STAC: variants seen among roughly 807,000 people sequenced by gnomAD.
STAC encodes SH3 and cysteine rich domain.
A neutral mutation model predicts 48.8 loss-of-function variants in STAC; 43 were observed. The observed-to-expected ratio is 0.88, with a 90% CI of 0.69 to 1.14. STAC has a LOEUF of 1.14. Among genes scored for constraint, STAC ranks in the 50% most tolerant of loss-of-function variants. The probability of loss-of-function intolerance (pLI) is 0.00; values close to 1 mark genes in which losing one functional copy is unlikely to be tolerated. For synonymous variants in STAC, 193 were observed against 179.5 expected (o/e 1.07, Z -0.60); for missense variants, 497 against 504.0 (o/e 0.99, Z 0.13).
chr3:36,382,527 T>C (rs965197570), intron 1 of STAC, among the ~76,000 whole-genome samples: 1 of 152,250 alleles, frequency 6.6e-6, no homozygotes, highest in African/African-American at 2.4e-5. Context: ...TGTGTGTTTC[T>C]ACATTCCTAA....
At chr3:36,488,259 T>C (rs1697868798) in intron 5 of STAC, among the ~76,000 whole-genome samples, 1 of 152,166 alleles carries the variant, frequency 6.6e-6, no homozygotes, top group Non-Finnish European at 1.5e-5. Flanking sequence ...GCATCTAGCC[T>C]TAACAGTGTT....
At chr3:36,488,249 G>A (rs539472397) in intron 5 of STAC, among the ~76,000 whole-genome samples, 7 of 152,166 alleles carry the variant, frequency 4.6e-5, no homozygotes, top group Non-Finnish European at 7.4e-5. Context: ...TTTTCATTAC[G>A]CATCTAGCCT....
intron 2 of STAC, among the ~76,000 whole-genome samples, chr3:36,482,594 C>T (rs74775818): frequency 0.016 from 2,462 of 152,280 alleles, 22 homozygotes; most frequent in Non-Finnish European, 0.021. Context: ...TATCCAACGG[C>T]TCAGTTCCTG....
At chr3:36,461,464 A>G (rs2125683924) in intron 2 of STAC, among the ~76,000 whole-genome samples, 1 of 152,270 alleles carries the variant, frequency 6.6e-6, no homozygotes, top group South Asian at 2.1e-4. Flanking sequence ...TTGACATTTT[A>G]ACTGGGGAGA....
At chr3:36,444,991 G>C (rs1696468779) in intron 2 of STAC, among the ~76,000 whole-genome samples, 1 of 152,150 alleles carries the variant, frequency 6.6e-6, no homozygotes, top group Non-Finnish European at 1.5e-5. Context: ...TTCTGAATCT[G>C]TGTCACTTTC....
At chr3:36,463,015 C>A (rs897969452) in intron 2 of STAC, among the ~76,000 whole-genome samples, 3 of 151,998 alleles carry the variant, frequency 2.0e-5, no homozygotes, top group Non-Finnish European at 2.9e-5. Context: ...GGAAAAAAAA[C>A]CTGACAAGAT....
chr3:36,505,774 T>C lies in STAC; in HGVS notation c.860T>C (p.Met287Thr), dbSNP rs547750364. Reference protein sequence around the residue: ...QGSLSKDPLQMNTYVALYKFV... With the variant: ...QGSLSKDPLQTNTYVALYKFV... ...TCTCTTTCCAAAGACCCATTACAGATGAACACCTATGTTGCCTTGTACAAA... is the reference window on the plus strand; with the variant it reads ...TCTCTTTCCAAAGACCCATTACAGACGAACACCTATGTTGCCTTGTACAAA... Residue 287 changes from methionine to threonine, a missense_variant, in exon 8 of 11, where the codon ATG becomes ACG. Met to Thr is a moderately conservative substitution (Grantham distance 81). Transcript: ENST00000273183. The C allele has an allele frequency of 4.9e-5, 78 of 1,607,518 alleles. No homozygotes were observed. The highest frequency in any genetic ancestry group is 6.4e-5 in the Non-Finnish European group (75 of 1,177,964).
chr3:36,468,361 T>G (rs1419359975), intron 2 of STAC, among the ~76,000 whole-genome samples: 1 of 152,106 alleles, frequency 6.6e-6, no homozygotes, highest in Non-Finnish European at 1.5e-5. Flanking sequence ...ATGAACAGAA[T>G]GTATATTCTG....
intron 1 of STAC, among the ~76,000 whole-genome samples, chr3:36,391,481 G>C (rs1342706451): frequency 6.6e-6 from 1 of 152,206 alleles, no homozygotes; most frequent in Non-Finnish European, 1.5e-5. Flanking sequence ...CCTTTGGACA[G>C]TCTCTGTTGA....
rs1397760338 is a variant in STAC at position 36,493,595 on chromosome 3, CG to C, written c.766+367del. Among the ~76,000 whole-genome samples the C allele has an allele frequency of 2.6e-5, 4 of 151,860 alleles. No individual in the cohort carries two copies. The East Asian group carries it at 7.8e-4, about 29-fold the overall frequency. On this transcript the variant is annotated intron_variant, in intron 6 of 10. Transcript: ENST00000273183. ...GCTAGATTAGATTACATTAGCAAAC[CG>C]TACCACAGAGAAGCTAATTTGTGCT...
Position 36,505,757 on chromosome 3 carries a change from C to CAA in STAC, c.845_846dup (p.Asp283LysfsTer6). 6.3e-7 allele frequency: 1 copy of CAA among 1,592,884 alleles called. No homozygotes were observed. Among genetic ancestry groups the CAA allele is most frequent in the Non-Finnish European group, 8.5e-7 (1 of 1,171,382 alleles). On this transcript the variant is annotated frameshift_variant, in exon 8 of 11. Transcript: ENST00000273183. LOFTEE classifies it high-confidence loss of function. ...ATTTTCTCTTTCAGGGATCTCTTTC[C>CAA]AAAGACCCATTACAGATGAACACCT...
At chr3:36,405,064 G>A (rs1277189639) in intron 1 of STAC, among the ~76,000 whole-genome samples, 1 of 152,076 alleles carries the variant, frequency 6.6e-6, no homozygotes, top group Non-Finnish European at 1.5e-5. Flanking sequence ...TTAAAACTAT[G>A]AAATAGGAAA....
At chr3:36,454,391 G>C (rs1696790446) in intron 2 of STAC, among the ~76,000 whole-genome samples, 1 of 151,948 alleles carries the variant, frequency 6.6e-6, no homozygotes, top group African/African-American at 2.4e-5. Flanking sequence ...GAGCCAGCGA[G>C]ACCACGAACC....
intron 1 of STAC, among the ~76,000 whole-genome samples, chr3:36,436,920 A>C (rs958860274): frequency 2.0e-5 from 3 of 151,964 alleles, no homozygotes; most frequent in Non-Finnish European, 2.9e-5. Flanking sequence ...AACTCAAACA[A>C]ATTTACAAGA....
In STAC at chr3:36,504,593, A is replaced by G. The variant is rs527606173; in HGVS notation, c.831+136A>G. On this transcript the variant is annotated intron_variant, in intron 7 of 10. Transcript: ENST00000273183. Reference sequence around the variant, plus strand: ...TTAGAGAATAGAATAATATAGCACAACGTACCATAGCATGGAATAAACAGA... The same window carrying G: ...TTAGAGAATAGAATAATATAGCACAGCGTACCATAGCATGGAATAAACAGA... The G allele has an allele frequency of 3.0e-4, 207 of 686,386 alleles. 2 individuals are homozygous for G. The South Asian group carries it at 3.8e-3, about 12-fold the overall frequency. The allele number at this position is 686,386 out of a possible 1,614,324, so 42.5% of individuals were successfully genotyped here.
chr3:36,453,430 G>A (rs1696748773), intron 2 of STAC, among the ~76,000 whole-genome samples: 1 of 152,186 alleles, frequency 6.6e-6, no homozygotes. Context: ...GGCAGACCCC[G>A]CCCTCGGAGA....
chr3:36,509,352 A>T (rs1698480307), intron 8 of STAC, among the ~76,000 whole-genome samples: 1 of 151,582 alleles, frequency 6.6e-6, no homozygotes, highest in Non-Finnish European at 1.5e-5. Flanking sequence ...CTTCATTTCA[A>T]CCTTGGTGAA....
chr3:36,497,605 C>T (rs1279606975), intron 6 of STAC, among the ~76,000 whole-genome samples: 1 of 151,914 alleles, frequency 6.6e-6, no homozygotes, highest in East Asian at 1.9e-4. Context: ...TATTAATACC[C>T]CAAAAGATAC....
intron 6 of STAC, 40 bp downstream of exon 6, chr3:36,493,269 G>A (rs1698042834): frequency 1.2e-6 from 2 of 1,602,246 alleles, no homozygotes; most frequent in Non-Finnish European, 1.7e-6. Context: ...GTGATCACAT[G>A]AGTCAGGGTC....
Sources: allele counts gnomAD v4.1 joint callset (sites outside exome capture counted in the v4.1 genomes callset), GRCh38; gene constraint gnomAD v4.1.1; transcripts MANE v1.5; gene names NCBI Gene and HGNC (gene_info 2026-07-23, HGNC 2026-07-21).